The following TBC1D22A variants were observed in gnomAD, a reference collection of about 807,000 sequenced individuals.
TBC1D22A encodes the protein TBC1 domain family member 22A.
TBC1D22A carries 38 observed loss-of-function variants against 60.2 expected under a neutral mutation model. The observed-to-expected ratio is 0.63, with a 90% CI of 0.49 to 0.83. The LOEUF is 0.83. Among genes scored for constraint, TBC1D22A ranks in the 40% least tolerant of loss-of-function variants. The probability of loss-of-function intolerance (pLI) is 0.00; values close to 1 mark genes in which losing one functional copy is unlikely to be tolerated. For missense variants in TBC1D22A, 628 were observed against 701.0 expected, an observed-to-expected ratio of 0.90 and a Z score of 1.18; for synonymous variants, 302 against 281.7, an observed-to-expected ratio of 1.07 and a Z score of -0.72.
intron 4 of TBC1D22A, among the ~76,000 whole-genome samples, chr22:46,869,930 G>A (rs930807963): frequency 2.6e-5 from 4 of 152,136 alleles, no homozygotes; most frequent in African/African-American, 4.8e-5. Context: ...CAGATTTCTG[G>A]TTCAGTCTCA....
At chr22:46,966,783 C>T (rs942455299) in intron 8 of TBC1D22A, among the ~76,000 whole-genome samples, 1 of 152,216 alleles carries the variant, frequency 6.6e-6, no homozygotes, top group Non-Finnish European at 1.5e-5. Flanking sequence ...AAAAGTAGGC[C>T]AGCTGCTTCA....
intron 11 of TBC1D22A, among the ~76,000 whole-genome samples, chr22:47,061,891 C>T (rs1489500567): frequency 6.6e-6 from 1 of 152,032 alleles, no homozygotes; most frequent in Non-Finnish European, 1.5e-5. Flanking sequence ...AGTTCGAGAC[C>T]AGCCTGGCCA....
At chr22:46,771,835 T>A (rs1425994382) in intron 1 of TBC1D22A, among the ~76,000 whole-genome samples, 1 of 152,036 alleles carries the variant, frequency 6.6e-6, no homozygotes, top group Non-Finnish European at 1.5e-5. Flanking sequence ...CCTCAAGTGA[T>A]CCACCCGCCT....
chr22:47,046,908 G>T (rs924392155), intron 11 of TBC1D22A, among the ~76,000 whole-genome samples: 1 of 152,230 alleles, frequency 6.6e-6, no homozygotes, highest in African/African-American at 2.4e-5. Context: ...CCCCAGGAGT[G>T]TAAGAAAGGC....
At chr22:47,015,014 G>A (rs754225391) in intron 10 of TBC1D22A, among the ~76,000 whole-genome samples, 48 of 152,246 alleles carry the variant, frequency 3.2e-4, no homozygotes, top group Non-Finnish European at 6.5e-4. Flanking sequence ...GCACAGAGCA[G>A]AAGGAATTTG....
intron 11 of TBC1D22A, among the ~76,000 whole-genome samples, chr22:47,108,941 C>T (rs560237685): frequency 1.6e-4 from 24 of 152,294 alleles, no homozygotes; most frequent in African/African-American, 3.9e-4. Flanking sequence ...GTGATCCGCC[C>T]GCTTCGGCCT....
chr22:46,765,673 G>T (rs1474119694), intron 1 of TBC1D22A, among the ~76,000 whole-genome samples: 4 of 152,026 alleles, frequency 2.6e-5, no homozygotes, highest in Non-Finnish European at 5.9e-5. Context: ...CGCCATGTCG[G>T]CCAGGCTAGT....
At chr22:46,917,710 T>C (rs1338008995) in intron 8 of TBC1D22A, among the ~76,000 whole-genome samples, 1 of 152,150 alleles carries the variant, frequency 6.6e-6, no homozygotes, top group Admixed American at 6.5e-5. Flanking sequence ...TGGAAATGGC[T>C]GCTGACAGTC....
chr22:47,031,225 C>G (rs114311337), intron 10 of TBC1D22A, among the ~76,000 whole-genome samples: 99 of 152,336 alleles, frequency 6.5e-4, no homozygotes, highest in African/African-American at 2.4e-3. Context: ...AGGCAGAAGG[C>G]CAGGCACTCA....
intron 10 of TBC1D22A, among the ~76,000 whole-genome samples, chr22:47,013,914 C>T (rs2061827669): frequency 6.6e-6 from 1 of 152,200 alleles, no homozygotes; most frequent in Admixed American, 6.5e-5. Flanking sequence ...TCGCTGCACA[C>T]GGCCAGTCCT....
chr22:46,786,173 G>T (rs1448286753), intron 1 of TBC1D22A, among the ~76,000 whole-genome samples: 1 of 152,162 alleles, frequency 6.6e-6, no homozygotes. Flanking sequence ...CCTTTATCAG[G>T]ATGAAGATTA....
At chr22:46,889,373 T>C (rs2068277476) in intron 5 of TBC1D22A, among the ~76,000 whole-genome samples, 1 of 152,208 alleles carries the variant, frequency 6.6e-6, no homozygotes. Context: ...GTACTAAGTG[T>C]TGGAAAGGCT....
rs757407909 is a variant in TBC1D22A, at chr22:47,151,251, C to T, written c.1426-22247C>T. Among the ~76,000 whole-genome samples the T allele has an allele frequency of 5.3e-5, 8 of 152,302 alleles. No individual in the cohort carries two copies. The East Asian group carries it at 5.8e-4, about 11-fold the overall frequency. ...GTGTGGGGTTCTGTGTGACACTCAG[C>T]GCCCACCCGTGTACTCTCCACCTTC... On this transcript the variant is annotated intron_variant, in intron 12 of 12. Coordinates refer to ENST00000337137, the MANE Select transcript of TBC1D22A (RefSeq NM_014346.5).
At chr22:46,918,126 G>A (rs973074918) in intron 8 of TBC1D22A, among the ~76,000 whole-genome samples, 1 of 152,212 alleles carries the variant, frequency 6.6e-6, no homozygotes, top group Non-Finnish European at 1.5e-5. Context: ...CTTAGAACCA[G>A]GTATGGAACG....
chr22:47,076,607 T>C (rs995741251), intron 11 of TBC1D22A, among the ~76,000 whole-genome samples: 15 of 152,008 alleles, frequency 9.9e-5, no homozygotes, highest in African/African-American at 3.6e-4. Context: ...GGAAACTATG[T>C]GAGGACTGGT....
rs933751644 is a variant in TBC1D22A at position 46,808,924 on chromosome 22, T to C, written c.637+11304T>C. On this transcript the variant is annotated intron_variant, in intron 4 of 12. Transcript: ENST00000337137. ...CAGCTTTTGAGGTATTCATATAAAC[T>C]ATTGGAGGCTTTCTCTTGAAATCCC... Among the ~76,000 whole-genome samples the C allele has an allele frequency of 3.9e-5, 6 of 152,346 alleles. No individual in the cohort carries two copies. In the East Asian group the frequency reaches 5.8e-4, roughly 15 times the overall value.
intron 8 of TBC1D22A, among the ~76,000 whole-genome samples, chr22:46,959,153 C>T (rs1312887120): frequency 6.6e-6 from 1 of 152,206 alleles, no homozygotes; most frequent in Non-Finnish European, 1.5e-5. Context: ...GCTTTAGGAT[C>T]TTGCCCTGTG....
intron 8 of TBC1D22A, among the ~76,000 whole-genome samples, chr22:46,965,454 G>A (rs1245018143): frequency 1.3e-5 from 2 of 152,216 alleles, no homozygotes; most frequent in East Asian, 1.9e-4. Context: ...GTCTGGGCTC[G>A]GCAGAGCTCT....
At chr22:46,933,656 G>T (rs2071481888) in intron 8 of TBC1D22A, among the ~76,000 whole-genome samples, 1 of 152,232 alleles carries the variant, frequency 6.6e-6, no homozygotes, top group African/African-American at 2.4e-5. Context: ...TGCCAGGGTG[G>T]CACTGGCCGG....
Sources: gnomAD v4.1 joint callset for allele counts (sites outside exome capture counted in the v4.1 genomes callset) on GRCh38, gnomAD v4.1.1 for gene constraint, MANE v1.5 for transcripts, NCBI Gene and HGNC (gene_info 2026-07-23, HGNC 2026-07-21) for gene names.